Variants in PDE10A observed in about 807,000 individuals in gnomAD.
PDE10A encodes the protein phosphodiesterase 10A.
Under a neutral mutation model 97.7 loss-of-function variants are expected in PDE10A, and 39 were observed. That is an observed-to-expected ratio of 0.40 (90% CI 0.31 to 0.52). The LOEUF is 0.52. Among genes scored for constraint, PDE10A ranks in the 20% least tolerant of loss-of-function variants. The pLI, the probability that PDE10A is intolerant of heterozygous loss-of-function variation, is 0.56. For missense variants in PDE10A, 731 were observed against 1,047.8 expected (o/e 0.70, Z 4.17); for synonymous variants, 371 against 376.8 (o/e 0.98, Z 0.18).
At position 165,327,537 on chromosome 6, in the gene PDE10A, A is replaced by G. The variant is rs1781111293; in HGVS notation, c.*5488T>C. 1.3e-5 allele frequency: 2 copies of G among 152,230 alleles called. No individual in the cohort carries two copies. Among genetic ancestry groups the G allele is most frequent in the Non-Finnish European group, 2.9e-5 (2 of 68,038 alleles). 9.4% of individuals were successfully genotyped at this position (152,230 alleles called of 1,614,324 possible). ...TTACAACTTGCCTAGATTATAATAA[A>G]TGATTACTGTTCTATTATACAAACA... is the stretch of plus-strand genomic sequence containing the variant. On this transcript the variant is annotated 3_prime_UTR_variant, in exon 22 of 22. Coordinates refer to ENST00000539869, the MANE Select transcript of PDE10A (RefSeq NM_001385079.1).
chr6:165,922,169 C>A (rs138696802), intron 1 of PDE10A, among the ~76,000 whole-genome samples: 209 of 152,298 alleles, frequency 1.4e-3, no homozygotes, highest in Non-Finnish European at 2.4e-3. Flanking sequence ...AGCATGGGAT[C>A]TCCATCATCT....
At chr6:165,428,385 G>C (rs1179997240) in intron 10 of PDE10A, among the ~76,000 whole-genome samples, 1 of 152,056 alleles carries the variant, frequency 6.6e-6, no homozygotes, top group East Asian at 1.9e-4. Context: ...TATGTAAGAG[G>C]TGTTTTGAAG....
At chr6:165,837,096 G>T (rs985156331) in intron 1 of PDE10A, among the ~76,000 whole-genome samples, 1 of 150,952 alleles carries the variant, frequency 6.6e-6, no homozygotes. Context: ...TATACCTAAT[G>T]CTAGATGACG....
intron 1 of PDE10A, among the ~76,000 whole-genome samples, chr6:165,677,420 C>T (rs1466198636): frequency 2.0e-5 from 3 of 152,174 alleles, no homozygotes; most frequent in African/African-American, 7.2e-5. Flanking sequence ...ATACAGTGAG[C>T]CCTCCATATC....
chr6:165,956,527 C>G (rs1313223587), intron 1 of PDE10A, among the ~76,000 whole-genome samples: 1 of 152,098 alleles, frequency 6.6e-6, no homozygotes, highest in African/African-American at 2.4e-5. Context: ...TTGCAAAATC[C>G]CATAATATTC....
At chr6:165,727,408 G>C (rs1242964589) in intron 1 of PDE10A, among the ~76,000 whole-genome samples, 2 of 152,246 alleles carry the variant, frequency 1.3e-5, no homozygotes, top group African/African-American at 4.8e-5. Flanking sequence ...GAGGGAGAGA[G>C]AGGAGGCTTT....
chr6:165,346,478 G>T (rs969559912), intron 18 of PDE10A, among the ~76,000 whole-genome samples: 1 of 152,192 alleles, frequency 6.6e-6, no homozygotes, highest in Admixed American at 6.5e-5. Context: ...AGCAGATAAA[G>T]AGCACAGGCT....
intron 18 of PDE10A, among the ~76,000 whole-genome samples, chr6:165,373,813 A>G (rs1784427701): frequency 6.6e-6 from 1 of 152,018 alleles, no homozygotes; most frequent in Non-Finnish European, 1.5e-5. Context: ...TCACTATAGC[A>G]AAGACTTGGA....
chr6:165,651,402 TAAG>T (rs1262469504), intron 1 of PDE10A, among the ~76,000 whole-genome samples: 2 of 152,184 alleles, frequency 1.3e-5, no homozygotes, highest in Non-Finnish European at 2.9e-5. Context: ...CTTTATATAT[TAAG>T]AAGGTTAGCA....
In PDE10A at chr6:165,411,345, T is replaced by A. The variant is rs191644284; in HGVS notation, c.2076+2156A>T. ...GAGATAGGGCCTTTAAAGAGGTAACTATGGTAAGAGGAGATTTAAAGCGTG... is the reference window on the plus strand; with the variant it reads ...GAGATAGGGCCTTTAAAGAGGTAACAATGGTAAGAGGAGATTTAAAGCGTG... On this transcript the variant is annotated intron_variant, in intron 13 of 21. Transcript: ENST00000539869. Among the ~76,000 whole-genome samples the A allele has an allele frequency of 2.0e-3, 298 of 152,072 alleles. 1 individual carries two copies. The highest frequency in any genetic ancestry group is 6.8e-3 in the African/African-American group (282 of 41,486).
intron 10 of PDE10A, among the ~76,000 whole-genome samples, chr6:165,424,329 A>C (rs1788956674): frequency 6.6e-6 from 1 of 152,222 alleles, no homozygotes; most frequent in Non-Finnish European, 1.5e-5. Flanking sequence ...CTCAATGAGG[A>C]CAGAGGCTGT....
Position 165,373,950 on chromosome 6 carries a change from A to C in PDE10A, c.2783+5244T>G, listed in dbSNP as rs1372814397. 2.6e-5 allele frequency among the ~76,000 whole-genome samples: 4 copies of C among 151,684 alleles called. No homozygotes were observed. In the South Asian group the frequency reaches 8.3e-4, roughly 32 times the overall value. ...TTTGTAGGGACATGGATGAAATTGGAATCATCATTCTCAGTAAACTATCGC... is the reference window on the plus strand; with the variant it reads ...TTTGTAGGGACATGGATGAAATTGGCATCATCATTCTCAGTAAACTATCGC... On this transcript the variant is annotated intron_variant, in intron 18 of 21. Coordinates refer to ENST00000539869, the MANE Select transcript of PDE10A (RefSeq NM_001385079.1).
intron 1 of PDE10A, among the ~76,000 whole-genome samples, chr6:165,901,435 T>C (rs1253115730): frequency 6.6e-6 from 1 of 152,210 alleles, no homozygotes; most frequent in African/African-American, 2.4e-5. Flanking sequence ...CAGGTCCTCA[T>C]CAGGGCTCCG....
intron 13 of PDE10A, among the ~76,000 whole-genome samples, chr6:165,401,808 T>G (rs1786686908): frequency 6.6e-6 from 1 of 152,188 alleles, no homozygotes; most frequent in Admixed American, 6.6e-5. Flanking sequence ...GTATTAACAA[T>G]CAATAAAAAA....
intron 1 of PDE10A, among the ~76,000 whole-genome samples, chr6:165,848,845 G>A (rs1237398207): frequency 1.3e-5 from 2 of 152,206 alleles, no homozygotes; most frequent in Non-Finnish European, 2.9e-5. Flanking sequence ...GGGGCCCCAC[G>A]GGATCTGATG....
intron 5 of PDE10A, among the ~76,000 whole-genome samples, chr6:165,436,992 C>T (rs220817): frequency 0.19 from 29,533 of 152,020 alleles, 3,194 homozygotes; most frequent in Admixed American, 0.28. Context: ...GAATTGACAA[C>T]GATTTTCTCA....
intron 3 of PDE10A, among the ~76,000 whole-genome samples, chr6:165,466,556 G>A (rs576912210): frequency 4.6e-4 from 70 of 152,204 alleles, no homozygotes; most frequent in African/African-American, 7.0e-4. Flanking sequence ...TTCCATCAGC[G>A]CCACTTTTCC....
chr6:165,865,636 A>G (rs1781021162), intron 1 of PDE10A, among the ~76,000 whole-genome samples: 16 of 152,128 alleles, frequency 1.1e-4, no homozygotes, highest in Admixed American at 1.0e-3. Flanking sequence ...AGAATTCAAT[A>G]AAAGAAATAA....
At chr6:165,349,720 G>GC (rs953802568) in intron 18 of PDE10A, among the ~76,000 whole-genome samples, 1 of 152,172 alleles carries the variant, frequency 6.6e-6, no homozygotes, top group African/African-American at 2.4e-5. Flanking sequence ...GGTTTCGTGG[G>GC]CCCCCCTGCT....
Sources: gnomAD v4.1 joint callset for allele counts (sites outside exome capture counted in the v4.1 genomes callset) on GRCh38, gnomAD v4.1.1 for gene constraint, MANE v1.5 for transcripts, NCBI Gene and HGNC (gene_info 2026-07-23, HGNC 2026-07-21) for gene names.